Variants in CDH2 observed in about 807,000 individuals in gnomAD.
CDH2 encodes cadherin 2, also known as cadherin-2.
In CDH2, 17 loss-of-function variants were observed where a neutral mutation model predicts 92.0. The observed-to-expected ratio is 0.18, with a 90% CI of 0.13 to 0.28. The LOEUF is 0.28. Ranked by LOEUF, CDH2 falls within the 10% of genes least tolerant of loss-of-function variation. The pLI, the probability that CDH2 is intolerant of heterozygous loss-of-function variation, is 1.00. For missense variants in CDH2, 862 were observed against 1,133.1 expected, an observed-to-expected ratio of 0.76 and a Z score of 3.44; for synonymous variants, 419 against 415.9, an observed-to-expected ratio of 1.01 and a Z score of -0.09.
chr18:28,082,448 T>C (rs2144192809), intron 2 of CDH2, among the ~76,000 whole-genome samples: 1 of 152,224 alleles, frequency 6.6e-6, no homozygotes, highest in African/African-American at 2.4e-5. Flanking sequence ...TAGGCATGGA[T>C]ACATTCCTTC....
intron 2 of CDH2, among the ~76,000 whole-genome samples, chr18:28,145,039 C>A (rs2016013953): frequency 6.6e-6 from 1 of 152,098 alleles, no homozygotes; most frequent in Non-Finnish European, 1.5e-5. Context: ...ACCTTACATT[C>A]AATGTTCCTC....
chr18:27,996,437 G>A (rs1019215356), intron 7 of CDH2, among the ~76,000 whole-genome samples: 1 of 152,158 alleles, frequency 6.6e-6, no homozygotes, highest in Non-Finnish European at 1.5e-5. Context: ...TGTCCTGGCT[G>A]AGAAACCCTT....
chr18:28,016,803 A>T, intron 2 of CDH2, among the ~76,000 whole-genome samples: 1 of 152,214 alleles, frequency 6.6e-6, no homozygotes, highest in Admixed American at 6.5e-5. Context: ...GAATAATGCC[A>T]AATTTAGACC....
chr18:28,090,483 G>A (rs149913418), intron 2 of CDH2, among the ~76,000 whole-genome samples: 3 of 152,258 alleles, frequency 2.0e-5, no homozygotes, highest in Non-Finnish European at 2.9e-5. Flanking sequence ...ACTGGCTAGC[G>A]AGAACACTGA....
intron 2 of CDH2, among the ~76,000 whole-genome samples, chr18:28,145,143 A>G (rs1255742630): frequency 6.6e-6 from 1 of 152,094 alleles, no homozygotes; most frequent in Non-Finnish European, 1.5e-5. Context: ...TACAAAGTCT[A>G]GTGTGTCAGA....
downstream of CDH2, among the ~76,000 whole-genome samples, chr18:27,947,353 T>C (rs1909293467): frequency 6.6e-6 from 1 of 151,814 alleles, no homozygotes; most frequent in Non-Finnish European, 1.5e-5. Flanking sequence ...TCCATGAAAG[T>C]ATATACAATG....
intron 15 of CDH2, among the ~76,000 whole-genome samples, chr18:27,959,199 T>C (rs2011334446): frequency 6.6e-6 from 1 of 152,138 alleles, no homozygotes; most frequent in Admixed American, 6.5e-5. Flanking sequence ...TGTTTAAAAA[T>C]TCAAAACAGA....
chr18:28,069,195 C>A (rs980163898), intron 2 of CDH2, among the ~76,000 whole-genome samples: 1 of 152,114 alleles, frequency 6.6e-6, no homozygotes, highest in African/African-American at 2.4e-5. Context: ...CTTTATATGA[C>A]AGTATTTTCA....
intron 6 of CDH2, among the ~76,000 whole-genome samples, chr18:27,941,180 C>T (rs1909130971): frequency 6.6e-6 from 1 of 151,886 alleles, no homozygotes; most frequent in Non-Finnish European, 1.5e-5. Context: ...GGACTACAGG[C>T]ACCCGCCACC....
chr18:27,958,057 T>C (rs1346264784), intron 15 of CDH2, among the ~76,000 whole-genome samples: 2 of 152,152 alleles, frequency 1.3e-5, no homozygotes, highest in South Asian at 2.1e-4. Context: ...ACAAAGATAA[T>C]CTCGTTTAGT....
At chr18:27,970,927 T>G (rs2011640273) in intron 14 of CDH2, among the ~76,000 whole-genome samples, 1 of 151,938 alleles carries the variant, frequency 6.6e-6, no homozygotes, top group South Asian at 2.1e-4. Context: ...TAAAAATAGG[T>G]GGGAGGCTGA....
intron 2 of CDH2, among the ~76,000 whole-genome samples, chr18:28,098,692 C>T (rs12457781): frequency 0.23 from 34,326 of 151,902 alleles, 4,417 homozygotes; most frequent in Non-Finnish European, 0.3. Flanking sequence ...CAACAAAAAG[C>T]ACACAAATGA....
At chr18:28,168,576 T>C (rs2016419380) in intron 1 of CDH2, 1 of 384,130 alleles carries the variant, frequency 2.6e-6, no homozygotes, top group Non-Finnish European at 3.6e-6. Flanking sequence ...CCAAGATTCA[T>C]TAAAAAAAAT....
At chr18:28,001,746 G>A (rs2012772512) in intron 7 of CDH2, among the ~76,000 whole-genome samples, 1 of 152,210 alleles carries the variant, frequency 6.6e-6, no homozygotes, top group South Asian at 2.1e-4. Context: ...TCTCAGCTCA[G>A]AATAAACTAA....
intron 1 of CDH2, among the ~76,000 whole-genome samples, chr18:28,161,301 CG>C (rs1048968493): frequency 7.2e-5 from 11 of 152,112 alleles, no homozygotes; most frequent in Admixed American, 3.3e-4. Context: ...TAAAGCTGGC[CG>C]GGCACAGTGG....
At position 28,032,467 on chromosome 18, in the gene CDH2, A is replaced by G. The variant is rs377575381; in HGVS notation, c.173-18558T>C. 7.4e-4 allele frequency among the ~76,000 whole-genome samples: 112 copies of G among 152,242 alleles called. No homozygotes were observed. The South Asian group carries it at 0.022, about 30-fold the overall frequency. Reference sequence around the variant, plus strand: ...GCACTGGGAACAATATTACATTAACATGTTTTTTACATATGTGTGAATTCA... The same window carrying G: ...GCACTGGGAACAATATTACATTAACGTGTTTTTTACATATGTGTGAATTCA... On this transcript the variant is annotated intron_variant, in intron 2 of 15. Coordinates refer to ENST00000269141, the MANE Select transcript of CDH2 (RefSeq NM_001792.5).
intron 1 of CDH2, among the ~76,000 whole-genome samples, chr18:28,160,969 C>T (rs908541831): frequency 6.6e-6 from 1 of 152,178 alleles, no homozygotes; most frequent in African/African-American, 2.4e-5. Flanking sequence ...TCTTGAGGTG[C>T]CTTTTTTCTC....
chr18:27,976,704 C>T (rs2011842983), intron 14 of CDH2, among the ~76,000 whole-genome samples: 2 of 152,160 alleles, frequency 1.3e-5, no homozygotes, highest in Non-Finnish European at 2.9e-5. Context: ...GTGCCTAACA[C>T]AGGGTACACC....
chr18:28,115,480 G>T (rs750449222), intron 2 of CDH2, among the ~76,000 whole-genome samples: 2 of 152,086 alleles, frequency 1.3e-5, no homozygotes, highest in African/African-American at 2.4e-5. Context: ...TCAAACATGG[G>T]CCAGGGCAAC....
Sources: allele counts gnomAD v4.1 joint callset (sites outside exome capture counted in the v4.1 genomes callset), GRCh38; gene constraint gnomAD v4.1.1; transcripts MANE v1.5; gene names NCBI Gene and HGNC (gene_info 2026-07-23, HGNC 2026-07-21).